The following BLTP3A variants were observed in gnomAD, a reference collection of about 807,000 sequenced individuals.
BLTP3A encodes the protein ICBP90 binding protein 1.
the BLTP3A span, among the ~76,000 whole-genome samples, chr6:34,821,107 CCACCACA>C: frequency 1.3e-4 from 20 of 152,074 alleles, no homozygotes; most frequent in Admixed American, 5.9e-4. Context: ...CAGGCATGCG[CCACCACA>C]CCCGGCTAAT....
the BLTP3A span, chr6:34,867,282 G>A: frequency 1.2e-6 from 2 of 1,614,082 alleles, no homozygotes; most frequent in Non-Finnish European, 1.7e-6. Flanking sequence ...GATAATGCTG[G>A]TGTTCAAGGG....
At chr6:34,818,025 T>G in the BLTP3A span, among the ~76,000 whole-genome samples, 8 of 152,014 alleles carry the variant, frequency 5.3e-5, no homozygotes, top group African/African-American at 1.9e-4. Flanking sequence ...GGCTAATTTT[T>G]TTTTTTGTAT....
chr6:34,870,710 C>G, the BLTP3A span: 1 of 1,155,354 alleles, frequency 8.7e-7, no homozygotes, highest in South Asian at 1.6e-5. Flanking sequence ...TAATTTTGGG[C>G]AAGTTATTCT....
At chr6:34,815,350 A>G in the BLTP3A span, among the ~76,000 whole-genome samples, 1 of 151,998 alleles carries the variant, frequency 6.6e-6, no homozygotes, top group South Asian at 2.1e-4. Flanking sequence ...TCCGGGTTCA[A>G]GTGATTCTCC....
chr6:34,855,867 G>T, the BLTP3A span: 937 of 985,400 alleles, frequency 9.5e-4, no homozygotes, highest in Admixed American at 2.5e-3. Context: ...CTGGAAACTT[G>T]CAGGTTCCAC....
chr6:34,807,617 A>C, the BLTP3A span, among the ~76,000 whole-genome samples: 1 of 152,224 alleles, frequency 6.6e-6, no homozygotes, highest in African/African-American at 2.4e-5. Flanking sequence ...AATGGCAGTA[A>C]ATGAGAGTGC....
chr6:34,811,783 C>T, the BLTP3A span, among the ~76,000 whole-genome samples: 53 of 151,656 alleles, frequency 3.5e-4, 1 homozygote, highest in Admixed American at 2.1e-3. Flanking sequence ...CGCTTGAACC[C>T]AGGAGGTGGT....
the BLTP3A span, among the ~76,000 whole-genome samples, chr6:34,801,520 G>A: frequency 2.1e-3 from 319 of 152,118 alleles, 2 homozygotes; most frequent in African/African-American, 7.2e-3. Context: ...CATGACTAGC[G>A]TTTGGTGAAT....
chr6:34,867,091 G>C, the BLTP3A span: 1 of 817,994 alleles, frequency 1.2e-6, no homozygotes, highest in Admixed American at 4.0e-5. Flanking sequence ...TATCTAGTTA[G>C]TCCTCAAATT....
the BLTP3A span, chr6:34,856,407 C>T: frequency 6.2e-7 from 1 of 1,613,790 alleles, no homozygotes; most frequent in Non-Finnish European, 8.5e-7. Flanking sequence ...CGGAGAAAAG[C>T]AGGTGGGTTA....
chr6:34,854,730 C>G, the BLTP3A span, among the ~76,000 whole-genome samples: 1 of 152,114 alleles, frequency 6.6e-6, no homozygotes, highest in Non-Finnish European at 1.5e-5. Flanking sequence ...AATGACCCTA[C>G]TGGATGAAGA....
chr6:34,852,094 G>C, the BLTP3A span, among the ~76,000 whole-genome samples: 5 of 151,846 alleles, frequency 3.3e-5, no homozygotes, highest in Non-Finnish European at 2.9e-5. Context: ...GGGACCCCAG[G>C]AGCCTGCTTT....
At chr6:34,798,841 C>A in the BLTP3A span, among the ~76,000 whole-genome samples, 1 of 152,116 alleles carries the variant, frequency 6.6e-6, no homozygotes, top group East Asian at 1.9e-4. Flanking sequence ...ATGCTCAGCC[C>A]TCTGTCAAAA....
chr6:34,845,333 T>TTTTGTTTG, the BLTP3A span, among the ~76,000 whole-genome samples: 2 of 152,202 alleles, frequency 1.3e-5, no homozygotes, highest in African/African-American at 2.4e-5. Context: ...GCTATTCTGT[T>TTTTGTTTG]TTTGTTTGTT....
At chr6:34,830,141 G>A in the BLTP3A span, among the ~76,000 whole-genome samples, 7 of 151,830 alleles carry the variant, frequency 4.6e-5, no homozygotes, top group Non-Finnish European at 8.8e-5. Flanking sequence ...TATTTTTAGC[G>A]AGACAGGGTT....
chr6:34,875,768 C>T, the BLTP3A span: 4 of 152,118 alleles, frequency 2.6e-5, no homozygotes, highest in African/African-American at 9.7e-5. Flanking sequence ...ATCAGCTTGC[C>T]TAATTTCATA....
At chr6:34,851,986 A>G in the BLTP3A span, among the ~76,000 whole-genome samples, 1 of 152,082 alleles carries the variant, frequency 6.6e-6, no homozygotes. Flanking sequence ...CTTGTGGTGA[A>G]TGCTCTCAGG....
the BLTP3A span, among the ~76,000 whole-genome samples, chr6:34,868,396 C>G: frequency 6.6e-6 from 1 of 151,634 alleles, no homozygotes; most frequent in Non-Finnish European, 1.5e-5. Flanking sequence ...AGGTGGGAAA[C>G]CAGCCTGAAC....
chr6:34,819,948 T>C, the BLTP3A span, among the ~76,000 whole-genome samples: 229 of 152,346 alleles, frequency 1.5e-3, 2 homozygotes, highest in Middle Eastern at 6.8e-3. Context: ...AGTATTTCCT[T>C]CAAATTAGCA....
Sources: allele counts gnomAD v4.1 joint callset (sites outside exome capture counted in the v4.1 genomes callset), GRCh38; gene constraint gnomAD v4.1.1; transcripts MANE v1.5; gene names NCBI Gene and HGNC (gene_info 2026-07-23, HGNC 2026-07-21).